The following PPL variants were observed in gnomAD, a reference collection of about 807,000 sequenced individuals.
PPL encodes the protein periplakin.
PPL carries 198 observed loss-of-function variants against 194.4 expected under a neutral mutation model. The observed-to-expected ratio is 1.02, with a 90% CI of 0.91 to 1.15. PPL has a LOEUF of 1.15. Among genes scored for constraint, PPL ranks in the 50% most tolerant of loss-of-function variants. The probability of loss-of-function intolerance (pLI) is 0.00; values close to 1 mark genes in which losing one functional copy is unlikely to be tolerated. For missense variants in PPL, 2,885 were observed against 2,294.8 expected, an observed-to-expected ratio of 1.26 and a Z score of -5.25; for synonymous variants, 1,220 against 972.4, an observed-to-expected ratio of 1.25 and a Z score of -4.74.
rs1203126509 is a variant in PPL, at chr16:4,884,198, T to G, written c.4457A>C (p.Lys1486Thr). 4 of 1,613,958 alleles carry G rather than the reference T, an allele frequency of 2.5e-6. 1 individual carries two copies. The highest frequency in any genetic ancestry group is 3.4e-6 in the Non-Finnish European group (4 of 1,179,996). ...LEGELETLRR[K>T]LAALEKAEVK... ...CTCCGCCTTCTCCAGTGCAGCCAGT[T>G]TCCTCCGGAGGGTCTCGAGCTCCCC... is the stretch of plus-strand genomic sequence containing the variant. Residue 1486 changes from lysine (K) to threonine (T), a missense_variant, in exon 22 of 22, where the codon AAA becomes ACA. Lys to Thr is a moderately conservative substitution (Grantham distance 78). Coordinates refer to ENST00000345988, the MANE Select transcript of PPL (RefSeq NM_002705.5). The surrounding 1 kb of genome is among the most constrained non-coding windows in gnomAD (Gnocchi z 5.7).
intron 1 of PPL, among the ~76,000 whole-genome samples, chr16:4,913,756 T>C (rs935290606): frequency 2.6e-5 from 4 of 152,198 alleles, no homozygotes; most frequent in Non-Finnish European, 4.4e-5. Context: ...ACTTGGCCAT[T>C]GTCACCCAGT....
At chr16:4,911,801 G>A (rs2088825426) in intron 1 of PPL, among the ~76,000 whole-genome samples, 1 of 152,106 alleles carries the variant, frequency 6.6e-6, no homozygotes, top group Non-Finnish European at 1.5e-5. Context: ...GACTCCCAAA[G>A]TGCTGGGATT....
At chr16:4,933,268 G>A (rs1315814669) in intron 1 of PPL, among the ~76,000 whole-genome samples, 1 of 152,056 alleles carries the variant, frequency 6.6e-6, no homozygotes, top group East Asian at 1.9e-4. Flanking sequence ...CAAAGCCTGG[G>A]GTCCTGCCTC....
intron 16 of PPL, 175 bp downstream of exon 16, chr16:4,891,636 C>G: frequency 1.4e-6 from 1 of 734,524 alleles, no homozygotes; most frequent in Non-Finnish European, 2.1e-6. Context: ...CACACAGATC[C>G]CGTGAATAGC....
In PPL at chr16:4,884,032, T is replaced by G. The variant is rs2088158380; in HGVS notation, c.4623A>C (p.Glu1541Asp). Residue 1541 changes from glutamate (E) to aspartate (D), a missense_variant, in exon 22 of 22, where the codon GAA becomes GAC. Coordinates refer to ENST00000345988, the MANE Select transcript of PPL (RefSeq NM_002705.5). This position sits in a 1 kb window ranked among gnomAD's most constrained non-coding sequence, Gnocchi z 5.7. ...GGAATTCCAGCTCCGAAAGCCTGGC[T>G]TCCAGCCGGCTCACCTCGACGTCCA... ...RELDVEVSRL[E>D]ARLSELEFHN... 5.6e-6 allele frequency: 9 copies of G among 1,613,728 alleles called. No homozygotes were observed. The highest frequency in any genetic ancestry group is 6.8e-6 in the Non-Finnish European group (8 of 1,180,018).
Position 4,887,204 on chromosome 16 carries a change from G to C in PPL, c.2538C>G (p.Phe846Leu), listed in dbSNP as rs1049384737. 1.1e-5 allele frequency: 17 copies of C among 1,613,964 alleles called. No homozygotes were observed. Among genetic ancestry groups the C allele is most frequent in the African/African-American group, 1.3e-5 (1 of 74,932 alleles). The change falls in exon 21 of 22, where the codon TTC (phenylalanine) becomes TTG (leucine). Residue 846 changes from phenylalanine to leucine, a missense_variant. Coordinates refer to ENST00000345988, the MANE Select transcript of PPL (RefSeq NM_002705.5). ...GTCTGTTGATGGCATAAACTTCAGTGAACTTGGCGGCAAGTGCTGCTTCCT... is the reference window on the plus strand; with the variant it reads ...GTCTGTTGATGGCATAAACTTCAGTCAACTTGGCGGCAAGTGCTGCTTCCT... The part of the protein sequence containing the change: ...KEEEAALAAK[F>L]TEVYAINRQR...
intron 1 of PPL, among the ~76,000 whole-genome samples, chr16:4,921,087 T>C (rs1409264053): frequency 3.3e-5 from 5 of 152,198 alleles, no homozygotes; most frequent in African/African-American, 1.2e-4. Flanking sequence ...ACTGAGGCTG[T>C]TTTTCCCTAG....
At chr16:4,917,674 G>A (rs2088952757) in intron 1 of PPL, among the ~76,000 whole-genome samples, 1 of 152,112 alleles carries the variant, frequency 6.6e-6, no homozygotes, top group African/African-American at 2.4e-5. Flanking sequence ...GCCGAGGTGG[G>A]CAGATCGCTT....
At position 4,884,471 on chromosome 16, in the gene PPL, C is replaced by G; in HGVS notation, c.4184G>C (p.Arg1395Pro). ...CAGCTGCCGCTCAAGCTCGGTGCGC[C>G]GGCGCTGCAGCCGCCGCAGCTCTGC... Reference protein sequence around the residue: ...LRAELRRLQRRRTELERQLEE... With the variant: ...LRAELRRLQRPRTELERQLEE... The change falls in exon 22 of 22, where the codon CGG (arginine) becomes CCG (proline). Residue 1395 changes from arginine to proline, a missense_variant. Physicochemically the swap from Arg to Pro is moderately radical, Grantham distance 103. Transcript: ENST00000345988. This position sits in a 1 kb window ranked among gnomAD's most constrained non-coding sequence, Gnocchi z 5.7. The G allele has an allele frequency of 6.2e-7, 1 of 1,602,816 alleles. No individual in the cohort carries two copies. Among genetic ancestry groups the G allele is most frequent in the South Asian group, 1.1e-5 (1 of 90,584 alleles).
rs752235161 is a variant in PPL at position 4,899,219 on chromosome 16, C to T, written c.768+4G>A. 6.2e-7 allele frequency: 1 copy of T among 1,613,866 alleles called. No homozygotes were observed. The highest frequency in any genetic ancestry group is 1.1e-5 in the South Asian group (1 of 91,074). Reference sequence around the variant, plus strand: ...CCCTGATGCCCCAGGCCCCCAGAACCCACCTCATACTGGCGCCGGCGGCTG... The same window carrying T: ...CCCTGATGCCCCAGGCCCCCAGAACTCACCTCATACTGGCGCCGGCGGCTG... On this transcript the variant is annotated splice_donor_region_variant and intron_variant, in intron 7 of 21. Coordinates refer to ENST00000345988, the MANE Select transcript of PPL (RefSeq NM_002705.5).
chr16:4,918,378 T>A (rs534505821), intron 1 of PPL, among the ~76,000 whole-genome samples: 57 of 151,996 alleles, frequency 3.8e-4, no homozygotes, highest in African/African-American at 1.3e-3. Context: ...CTTGTCTCAT[T>A]CTCCAGGGAA....
In PPL at chr16:4,895,405, G is replaced by T; in HGVS notation, c.1098C>A (p.Asp366Glu). The T allele has an allele frequency of 6.2e-7, 1 of 1,612,902 alleles. No individual in the cohort carries two copies. The highest frequency in any genetic ancestry group is 8.5e-7 in the Non-Finnish European group (1 of 1,179,750). The change falls in exon 11 of 22, where the codon GAC becomes GAA. Residue 366 changes from aspartate (D) to glutamate (E), a missense_variant and splice_region_variant. Asp to Glu is a conservative substitution (Grantham distance 45). Coordinates refer to ENST00000345988, the MANE Select transcript of PPL (RefSeq NM_002705.5). The part of the protein sequence containing the change: ...QIELLLRELD[D>E]QEKVLDKYED... Reference sequence around the variant, plus strand: ...CATACTTGTCCAGCACCTTCTCCTGGTCCTGGAGAGAACGGGGTCAGGGGC... The same window carrying T: ...CATACTTGTCCAGCACCTTCTCCTGTTCCTGGAGAGAACGGGGTCAGGGGC...
In PPL at chr16:4,883,479, G is replaced by A; in HGVS notation, c.5176C>T (p.Gln1726Ter). ...GKKFSIEEAL[Q>*]SGRLTPAQYD... The stretch of plus-strand genomic sequence containing the variant: ...TGAGCAGGGGTCAGCCTGCCACTCT[G>A]CAGGGCCTCTTCGATGGAGAACTTC... The change falls in exon 22 of 22, where the codon CAG (glutamine) becomes TAG (stop). Residue 1726 changes from glutamine (Q) to a stop codon, truncating the protein, a stop_gained. Coordinates refer to ENST00000345988, the MANE Select transcript of PPL (RefSeq NM_002705.5). LOFTEE classifies it high-confidence loss of function. This position sits in a 1 kb window ranked among gnomAD's most constrained non-coding sequence, Gnocchi z 4.8. 1 of 1,614,206 alleles carries A rather than the reference G, an allele frequency of 6.2e-7. No individual in the cohort carries two copies. Among genetic ancestry groups the A allele is most frequent in the Non-Finnish European group, 8.5e-7 (1 of 1,180,034 alleles).
chr16:4,929,225 C>G (rs909652521), intron 1 of PPL, among the ~76,000 whole-genome samples: 7 of 152,012 alleles, frequency 4.6e-5, no homozygotes, highest in African/African-American at 1.7e-4. Context: ...GTCCCCTCCC[C>G]TCTCACTTCC....
At position 4,884,510 on chromosome 16, in the gene PPL, ATC is replaced by A; in HGVS notation, c.4143_4144del (p.Gln1381HisfsTer2). ...CCGCAGCTCTGCCCGCAGCTTGTCAATCTGCCGCAGCTCCACATCGATGCTCT... is the reference window on the plus strand; with the variant it reads ...CCGCAGCTCTGCCCGCAGCTTGTCAATGCCGCAGCTCCACATCGATGCTCT... On this transcript the variant is annotated frameshift_variant, in exon 22 of 22. Transcript: ENST00000345988. LOFTEE classifies it high-confidence loss of function. This position sits in a 1 kb window ranked among gnomAD's most constrained non-coding sequence, Gnocchi z 5.7. 1 of 1,609,678 alleles carries A rather than the reference ATC, an allele frequency of 6.2e-7. No individual in the cohort carries two copies. The highest frequency in any genetic ancestry group is 8.5e-7 in the Non-Finnish European group (1 of 1,179,272).
intron 1 of PPL, among the ~76,000 whole-genome samples, chr16:4,917,618 G>T (rs572809960): frequency 9.8e-4 from 149 of 152,138 alleles, no homozygotes; most frequent in Non-Finnish European, 1.7e-3. Context: ...AATATCCACT[G>T]GGCTGGGCGT....
chr16:4,901,121 A>G, intron 4 of PPL, 32 bp from the exon 5 acceptor site: 12 of 1,609,986 alleles, frequency 7.5e-6, no homozygotes, highest in Non-Finnish European at 1.0e-5. Flanking sequence ...CAATAAGGAG[A>G]GGGTGGGCTG....
intron 1 of PPL, among the ~76,000 whole-genome samples, chr16:4,934,937 C>T (rs1226683108): frequency 1.3e-5 from 2 of 152,150 alleles, no homozygotes; most frequent in Non-Finnish European, 2.9e-5. Flanking sequence ...GACATCTGCT[C>T]AGGGCTGTGG....
chr16:4,918,957 C>A (rs1345209547), intron 1 of PPL, among the ~76,000 whole-genome samples: 1 of 152,136 alleles, frequency 6.6e-6, no homozygotes, highest in Non-Finnish European at 1.5e-5. Context: ...AGACGTGGCA[C>A]CCCTGGGCCA....
Sources: allele counts gnomAD v4.1 joint callset (sites outside exome capture counted in the v4.1 genomes callset), GRCh38; gene constraint gnomAD v4.1.1; non-coding constraint Gnocchi (gnomAD v3.1); transcripts MANE v1.5; gene names NCBI Gene and HGNC (gene_info 2026-07-23, HGNC 2026-07-21).